Variants in FNDC3A observed in about 807,000 individuals in gnomAD.
FNDC3A encodes fibronectin type III domain containing 3A.
In FNDC3A, 32 loss-of-function variants were observed where a neutral mutation model predicts 148.9. That is an observed-to-expected ratio of 0.21 (90% CI 0.16 to 0.29). The LOEUF (loss-of-function observed/expected upper bound fraction) is 0.29. Ranked by LOEUF, FNDC3A falls within the 10% of genes least tolerant of loss-of-function variation. The probability of loss-of-function intolerance (pLI) is 1.00; values close to 1 mark genes in which losing one functional copy is unlikely to be tolerated. For synonymous variants in FNDC3A, 472 were observed against 473.6 expected, an observed-to-expected ratio of 1.00 and a Z score of 0.04; for missense variants, 1,191 against 1,452.8, an observed-to-expected ratio of 0.82 and a Z score of 2.93.
At chr13:48,984,088 A>C (rs1317756354) in intron 1 of FNDC3A, among the ~76,000 whole-genome samples, 1 of 152,228 alleles carries the variant, frequency 6.6e-6, no homozygotes, top group East Asian at 1.9e-4. Context: ...ATCAACAATA[A>C]CCAACTATGA....
At position 49,167,249 on chromosome 13, in the gene FNDC3A, A is replaced by G. The variant is rs780856648; in HGVS notation, c.983A>G (p.Glu328Gly). 6.3e-6 allele frequency: 10 copies of G among 1,599,118 alleles called. No individual in the cohort carries two copies. In the South Asian group the frequency reaches 9.1e-5, roughly 14 times the overall value. The change falls in exon 9 of 26, where the codon GAA becomes GGA. Residue 328 changes from glutamate (E) to glycine (G), a missense_variant. By Grantham distance (98) the Glu-to-Gly change is moderately conservative (BLOSUM62 -2). Coordinates refer to ENST00000492622, the MANE Select transcript of FNDC3A (RefSeq NM_001079673.2). ...DGKYKSVYVG[E>G]ETNITLNDLK... ...TATTACCCTTTTTTCCCCAGAGGAG[A>G]AGAAACAAATATCACTTTAAATGAT...
chr13:49,164,677 C>T (rs770615818), intron 8 of FNDC3A, among the ~76,000 whole-genome samples: 40 of 151,856 alleles, frequency 2.6e-4, no homozygotes, highest in Admixed American at 1.1e-3. Context: ...GGCATGAACT[C>T]GGCTCACTGC....
rs186485256 is a variant in FNDC3A at position 49,098,405 on chromosome 13, C to T, written c.176-16250C>T. On this transcript the variant is annotated intron_variant, in intron 3 of 25. Coordinates refer to ENST00000492622, the MANE Select transcript of FNDC3A (RefSeq NM_001079673.2). ...GAGGCATAGTTAACCTAATGTGCTG[C>T]AGTAAATCCTAAGTGCTCCTTCCTA... Among the ~76,000 whole-genome samples the T allele has an allele frequency of 5.3e-3, 807 of 152,202 alleles. 7 individuals carry two copies. Among genetic ancestry groups the T allele is most frequent in the African/African-American group, 0.019 (770 of 41,548 alleles).
At chr13:49,111,813 G>C (rs535320807) in intron 3 of FNDC3A, among the ~76,000 whole-genome samples, 2 of 151,044 alleles carry the variant, frequency 1.3e-5, no homozygotes, top group Non-Finnish European at 2.9e-5. Flanking sequence ...GGATTACTTC[G>C]TAAAGAAGTA....
At chr13:49,060,210 A>C (rs1876566158) in intron 2 of FNDC3A, among the ~76,000 whole-genome samples, 1 of 152,256 alleles carries the variant, frequency 6.6e-6, no homozygotes, top group Non-Finnish European at 1.5e-5. Context: ...ACAAGTACTG[A>C]AATACTTTTG....
intron 19 of FNDC3A, among the ~76,000 whole-genome samples, chr13:49,195,953 A>G (rs76172542): frequency 0.022 from 3,271 of 152,118 alleles, 43 homozygotes; most frequent in Middle Eastern, 0.051. Flanking sequence ...GCACACCCGT[A>G]GTCCCAGCTA....
chr13:49,103,256 G>A (rs1469333228), intron 3 of FNDC3A, among the ~76,000 whole-genome samples: 1 of 152,208 alleles, frequency 6.6e-6, no homozygotes, highest in Non-Finnish European at 1.5e-5. Context: ...GCTGCCTTAT[G>A]TTTAAGCTAT....
Position 49,197,769 on chromosome 13 carries a change from G to A in FNDC3A, c.2385G>A (p.Glu795=), listed in dbSNP as rs756876077. Residue 795 remains glutamate, a synonymous_variant, in exon 21 of 26, where the codon GAG becomes GAA. Transcript: ENST00000492622. Reference sequence around the variant, plus strand: ...CAGATGTCACTGAATATCGACTGGAGTGGGGAGGAGTTGAAGGAAGTATGC... The same window carrying A: ...CAGATGTCACTGAATATCGACTGGAATGGGGAGGAGTTGAAGGAAGTATGC... ...NGTDVTEYRL[E]WGGVEGSMQI... 1.2e-6 allele frequency: 2 copies of A among 1,610,898 alleles called. No homozygotes were observed. Among genetic ancestry groups the A allele is most frequent in the South Asian group, 1.1e-5 (1 of 90,152 alleles).
intron 2 of FNDC3A, among the ~76,000 whole-genome samples, chr13:49,059,643 A>G (rs567428917): frequency 6.6e-6 from 1 of 152,038 alleles, no homozygotes; most frequent in African/African-American, 2.4e-5. Flanking sequence ...TTTAGTAGAG[A>G]CAGGGTTTCA....
chr13:49,126,561 A>G (rs139906389), intron 4 of FNDC3A, among the ~76,000 whole-genome samples: 2 of 152,340 alleles, frequency 1.3e-5, no homozygotes, highest in African/African-American at 4.8e-5. Flanking sequence ...AATCAAATAA[A>G]TATCTTGTCG....
At chr13:49,182,537 A>AT (rs1043898918) in intron 14 of FNDC3A, among the ~76,000 whole-genome samples, 38 of 149,422 alleles carry the variant, frequency 2.5e-4, no homozygotes, top group East Asian at 7.9e-4. Flanking sequence ...GCCTTCTGGG[A>AT]TTTTTTTTTC....
At chr13:49,068,313 G>T (rs545372696) in intron 2 of FNDC3A, among the ~76,000 whole-genome samples, 1 of 152,204 alleles carries the variant, frequency 6.6e-6, no homozygotes, top group Admixed American at 6.5e-5. Flanking sequence ...GCAGTGAACT[G>T]TGATGGCACC....
intron 2 of FNDC3A, among the ~76,000 whole-genome samples, chr13:49,040,013 C>G (rs1460137333): frequency 1.3e-5 from 2 of 152,140 alleles, no homozygotes; most frequent in Non-Finnish European, 2.9e-5. Context: ...CGTGCTGGCC[C>G]TGTTATTTTT....
At chr13:49,129,112 T>C (rs1881878023) in intron 4 of FNDC3A, among the ~76,000 whole-genome samples, 1 of 152,262 alleles carries the variant, frequency 6.6e-6, no homozygotes, top group Non-Finnish European at 1.5e-5. Flanking sequence ...CTGAGGTTTT[T>C]CCCTCTTTGA....
At chr13:48,991,142 A>G (rs1042540307) in intron 1 of FNDC3A, among the ~76,000 whole-genome samples, 2 of 152,248 alleles carry the variant, frequency 1.3e-5, no homozygotes, top group African/African-American at 4.8e-5. Flanking sequence ...ATTAAAAGTC[A>G]GGGATTGTTG....
intron 3 of FNDC3A, 23 bp from the exon 4 acceptor site, chr13:49,114,632 C>T (rs1479526715): frequency 6.5e-7 from 1 of 1,544,554 alleles, no homozygotes; most frequent in Admixed American, 1.7e-5. Flanking sequence ...TGGGTTAATA[C>T]ATCATTTATG....
chr13:49,183,341 T>C (rs1040881515), intron 14 of FNDC3A, among the ~76,000 whole-genome samples: 1 of 152,232 alleles, frequency 6.6e-6, no homozygotes, highest in African/African-American at 2.4e-5. Flanking sequence ...CCCCATTCTT[T>C]TGATATGCAT....
At chr13:49,010,057 C>T (rs1480206261) in intron 2 of FNDC3A, among the ~76,000 whole-genome samples, 1 of 152,132 alleles carries the variant, frequency 6.6e-6, no homozygotes, top group African/African-American at 2.4e-5. Flanking sequence ...AAGAAGGGGA[C>T]GTATCATGTC....
At chr13:49,008,746 G>A (rs139884874) in intron 2 of FNDC3A, among the ~76,000 whole-genome samples, 85 of 152,256 alleles carry the variant, frequency 5.6e-4, no homozygotes, top group African/African-American at 2.0e-3. Flanking sequence ...TGCCTTTAGG[G>A]AGGCTGTAAT....
Sources: gnomAD v4.1 joint callset for allele counts (sites outside exome capture counted in the v4.1 genomes callset) on GRCh38, gnomAD v4.1.1 for gene constraint, MANE v1.5 for transcripts, NCBI Gene and HGNC (gene_info 2026-07-23, HGNC 2026-07-21) for gene names.